CENPW: variants seen among roughly 807,000 people sequenced by gnomAD.
The protein encoded by CENPW is centromere protein W.
A neutral mutation model predicts 11.1 loss-of-function variants in CENPW; 3 were observed. The observed-to-expected ratio is 0.27, with a 90% confidence interval of 0.12 to 0.70. The LOEUF (loss-of-function observed/expected upper bound fraction) is 0.70, where lower values mean the gene tolerates loss of function less well. Ranked by LOEUF, CENPW falls within the 30% of genes least tolerant of loss-of-function variation. CENPW has a pLI of 0.77. For synonymous variants in CENPW, 38 were observed against 42.0 expected (o/e 0.91, Z 0.37); for missense variants, 100 against 105.6 (o/e 0.95, Z 0.23).
chr6:126,452,562 G>T, the CENPW span, among the ~76,000 whole-genome samples: 5 of 150,954 alleles, frequency 3.3e-5, no homozygotes, highest in East Asian at 9.8e-4. Context: ...TTGAAAATGG[G>T]TCAATAGGAA....
At chr6:126,403,349 G>A in the CENPW span, among the ~76,000 whole-genome samples, 1 of 152,126 alleles carries the variant, frequency 6.6e-6, no homozygotes, top group Admixed American at 6.6e-5. Flanking sequence ...GAGATAAGCT[G>A]AAAGCTAGGC....
chr6:126,360,215 G>T, the CENPW span, among the ~76,000 whole-genome samples: 1 of 152,090 alleles, frequency 6.6e-6, no homozygotes, highest in East Asian at 1.9e-4. Flanking sequence ...ATTATTGGTT[G>T]GAATTGCTTT....
chr6:126,428,120 AT>A, the CENPW span, among the ~76,000 whole-genome samples: 1 of 152,140 alleles, frequency 6.6e-6, no homozygotes. Flanking sequence ...CAAAACTATT[AT>A]TTGTATATCA....
chr6:126,480,787 A>C, the CENPW span, among the ~76,000 whole-genome samples: 3 of 152,046 alleles, frequency 2.0e-5, no homozygotes, highest in Non-Finnish European at 4.4e-5. Flanking sequence ...AGATTTTCTC[A>C]GTGCAACATT....
chr6:126,430,503 A>T, the CENPW span, among the ~76,000 whole-genome samples: 2 of 152,204 alleles, frequency 1.3e-5, no homozygotes, highest in Non-Finnish European at 2.9e-5. Flanking sequence ...GAACAAATGG[A>T]GCAGGCAGAG....
chr6:126,455,017 A>G, the CENPW span, among the ~76,000 whole-genome samples: 1 of 151,436 alleles, frequency 6.6e-6, no homozygotes, highest in Admixed American at 6.6e-5. Flanking sequence ...AGATTAAACC[A>G]GGAAGAAATT....
chr6:126,353,630 T>C (rs1046583083), downstream of CENPW, among the ~76,000 whole-genome samples: 9 of 152,066 alleles, frequency 5.9e-5, no homozygotes, highest in Admixed American at 6.6e-5. Flanking sequence ...GGTGTTTTTC[T>C]TCAGTTTGGG....
At chr6:126,376,162 G>C in the CENPW span, among the ~76,000 whole-genome samples, 1 of 152,084 alleles carries the variant, frequency 6.6e-6, no homozygotes, top group African/African-American at 2.4e-5. Flanking sequence ...TTGATACTGA[G>C]GCGAGTGAAT....
chr6:126,404,978 T>C, the CENPW span, among the ~76,000 whole-genome samples: 1 of 152,066 alleles, frequency 6.6e-6, no homozygotes, highest in Non-Finnish European at 1.5e-5. Context: ...ATGGACTGTT[T>C]CCTTTGCTGT....
the CENPW span, among the ~76,000 whole-genome samples, chr6:126,365,916 T>C: frequency 1.3e-5 from 2 of 152,232 alleles, no homozygotes; most frequent in Non-Finnish European, 2.9e-5. Flanking sequence ...GAAGTCCAGA[T>C]TTCTGATTAA....
At chr6:126,473,874 T>C in the CENPW span, among the ~76,000 whole-genome samples, 2 of 148,424 alleles carry the variant, frequency 1.3e-5, no homozygotes, top group Admixed American at 1.4e-4. Context: ...CATAGATATA[T>C]AGAATATATA....
chr6:126,415,002 A>G, the CENPW span, among the ~76,000 whole-genome samples: 3 of 152,116 alleles, frequency 2.0e-5, no homozygotes, highest in Admixed American at 2.0e-4. Flanking sequence ...GGAAATGAAA[A>G]AAATCCCTGG....
chr6:126,450,228 T>A, the CENPW span, among the ~76,000 whole-genome samples: 1 of 151,144 alleles, frequency 6.6e-6, no homozygotes, highest in African/African-American at 2.4e-5. Flanking sequence ...GTTGTAGTTG[T>A]TAAACAATAT....
the CENPW span, among the ~76,000 whole-genome samples, chr6:126,390,823 A>G: frequency 1.6e-4 from 25 of 152,026 alleles, no homozygotes; most frequent in Admixed American, 1.6e-3. Flanking sequence ...TTATGGCTGA[A>G]AAATACTCTA....
At chr6:126,357,433 A>T in the CENPW span, among the ~76,000 whole-genome samples, 558 of 151,650 alleles carry the variant, frequency 3.7e-3, 3 homozygotes, top group African/African-American at 0.012. Context: ...TTCCATGTGA[A>T]TTTTTTTTCT....
the CENPW span, among the ~76,000 whole-genome samples, chr6:126,442,760 A>G: frequency 6.6e-6 from 1 of 151,260 alleles, no homozygotes; most frequent in South Asian, 2.1e-4. Context: ...TAGGCATAAA[A>G]ATAAGCAGTT....
At chr6:126,365,211 A>C in the CENPW span, among the ~76,000 whole-genome samples, 1 of 152,218 alleles carries the variant, frequency 6.6e-6, no homozygotes, top group Non-Finnish European at 1.5e-5. Context: ...ATATAATTAA[A>C]ATGGAATTGT....
At chr6:126,416,413 A>G in the CENPW span, among the ~76,000 whole-genome samples, 1 of 152,188 alleles carries the variant, frequency 6.6e-6, no homozygotes, top group East Asian at 1.9e-4. Context: ...CTGAGGAGAA[A>G]GTCAAGCTGG....
downstream of CENPW, among the ~76,000 whole-genome samples, chr6:126,351,153 T>A (rs1330200816): frequency 1.3e-5 from 2 of 150,494 alleles, no homozygotes; most frequent in Non-Finnish European, 3.0e-5. Context: ...AGAGTGAGTG[T>A]GTGTGTGTGT....
Sources: gnomAD v4.1 joint callset for allele counts (sites outside exome capture counted in the v4.1 genomes callset) on GRCh38, gnomAD v4.1.1 for gene constraint, MANE v1.5 for transcripts, NCBI Gene and HGNC (gene_info 2026-07-23, HGNC 2026-07-21) for gene names.